TTN: variants seen among roughly 807,000 people sequenced by gnomAD.
TTN encodes the protein titin.
In TTN, 1,525 loss-of-function variants were observed where a neutral mutation model predicts 3,223.0. That is an observed-to-expected ratio of 0.47 (90% confidence interval 0.45 to 0.49). The LOEUF is 0.49. Among genes scored for constraint, TTN ranks in the 20% least tolerant of loss-of-function variants. The pLI, the probability that TTN is intolerant of heterozygous loss-of-function variation, is 0.00. For missense variants in TTN, 40,786 were observed against 43,424.0 expected, an observed-to-expected ratio of 0.94 and a Z score of 5.40; for synonymous variants, 14,094 against 15,161.0, an observed-to-expected ratio of 0.93 and a Z score of 5.17.
chr2:178,740,598 T>G lies in TTN; in HGVS notation c.12635A>C (p.Asn4212Thr). 6.2e-7 allele frequency: 1 copy of G among 1,613,888 alleles called. No homozygotes were observed. Among genetic ancestry groups the G allele is most frequent in the South Asian group, 1.1e-5 (1 of 91,078 alleles). Reference sequence around the variant, plus strand: ...AGGTTCTATTGAAGACTGTGGATAATTCCCTTCAGGTTCAGCTAATAAAGT... The same window carrying G: ...AGGTTCTATTGAAGACTGTGGATAAGTCCCTTCAGGTTCAGCTAATAAAGT... The part of the protein sequence containing the change: ...LKTLLAEPEG[N>T]YPQSSIEPPM... The change falls in exon 48 of 363, where the codon AAT becomes ACT. Residue 4212 changes from asparagine to threonine, a missense_variant. Transcript: ENST00000589042.
At chr2:178,757,230 A>AG (rs1227467101) in intron 45 of TTN, among the ~76,000 whole-genome samples, 86 of 16,166 alleles carry the variant, frequency 5.3e-3, no homozygotes, top group Admixed American at 8.9e-3. Context: ...GTAAGTAATA[A>AG]TCAGCAAATA....
At chr2:178,663,227 G>C (rs769293491) in intron 173 of TTN, 39 bp downstream of exon 173, 4 of 1,504,300 alleles carry the variant, frequency 2.7e-6, no homozygotes, top group South Asian at 1.3e-5. Context: ...TAAAATAACA[G>C]TTATTTTTCT....
In TTN at chr2:178,549,177, C is replaced by G. The variant is rs529196025; in HGVS notation, c.92449G>C (p.Glu30817Gln). 19 of 1,613,760 alleles carry G rather than the reference C, an allele frequency of 1.2e-5. No individual in the cohort carries two copies. The highest frequency in any genetic ancestry group is 1.2e-4 in the Admixed American group (7 of 59,986). The change falls in exon 339 of 363, where the codon GAG becomes CAG. Residue 30817 changes from glutamate to glutamine, a missense_variant. Transcript: ENST00000589042. ...GGAGGACCTGGTGGGTTGACGGGCTCTCTACATTTAATGAGTCTTGAGATG... is the reference window on the plus strand; with the variant it reads ...GGAGGACCTGGTGGGTTGACGGGCTGTCTACATTTAATGAGTCTTGAGATG... ...SGISRLIKCR[E>Q]PVNPPGPPTV...
Position 178,647,380 on chromosome 2 carries a change from C to T in TTN, c.40141+1G>A. On this transcript the variant is annotated splice_donor_variant, in intron 214 of 362. Transcript: ENST00000589042. LOFTEE classifies it high-confidence loss of function. ...CCAAGATTTATGGAGAAGCCGTGTA[C>T]CTTCAGCAGGTGGAACTTCTGGCTC... 1 of 1,549,572 alleles carries T rather than the reference C, an allele frequency of 6.5e-7. No homozygotes were observed. The highest frequency in any genetic ancestry group is 8.7e-7 in the Non-Finnish European group (1 of 1,146,386).
rs756921395 is a variant in TTN at position 178,634,091 on chromosome 2, G to A, written c.42416-8C>T. On this transcript the variant is annotated splice_region_variant and splice_polypyrimidine_tract_variant and intron_variant, in intron 230 of 362. Coordinates refer to ENST00000589042, the MANE Select transcript of TTN (RefSeq NM_001267550.2). The surrounding 1 kb of genome is among the most constrained non-coding windows in gnomAD (Gnocchi z 4.6). ...TGAATTTCAGTCTTATACCTGAAAT[G>A]CAAGCATAGATAATGCCTCAGAAAC... The A allele has an allele frequency of 1.5e-5, 24 of 1,611,764 alleles. No homozygotes were observed. Among genetic ancestry groups the A allele is most frequent in the Non-Finnish European group, 2.0e-5 (23 of 1,179,280 alleles).
At chr2:178,600,626 A>C (rs1035596106) in intron 288 of TTN, 2 of 554,126 alleles carry the variant, frequency 3.6e-6, no homozygotes, top group Admixed American at 6.1e-5. Context: ...ACAGCGAGGA[A>C]ATTACAGACA....
Position 178,723,830 on chromosome 2 carries a change from C to A in TTN, c.21403+26G>T. On this transcript the variant is annotated intron_variant, in intron 73 of 362. Transcript: ENST00000589042. ...CCTGAAGAGGAATTTGTAAGAAATT[C>A]CTTACAAGTTTGACTGTCTACTGAC... is the stretch of plus-strand genomic sequence containing the variant. 1.9e-6 allele frequency: 3 copies of A among 1,571,104 alleles called. No individual in the cohort carries two copies. In the South Asian group the frequency reaches 3.6e-5, roughly 19 times the overall value.
At chr2:178,638,607 T>C (rs866517900) in intron 223 of TTN, among the ~76,000 whole-genome samples, 1 of 151,646 alleles carries the variant, frequency 6.6e-6, no homozygotes. Flanking sequence ...GCTTTATCAG[T>C]GGAGATGATC....
Position 178,621,106 on chromosome 2 carries a change from G to A in TTN, c.45612C>T (p.Val15204=). ...TAAAAGCAAGAACAAACTTACCAAT[G>A]ACTGTCAAGTGAGCTGCTGCTCTGG... ...GAARAAAHLT[V]IEKLRIVVPL... is the part of the protein sequence containing the mutation. Residue 15204 remains valine (V), a synonymous_variant, in exon 246 of 363, where the codon GTC becomes GTT. Transcript: ENST00000589042. 6.2e-7 allele frequency: 1 copy of A among 1,611,752 alleles called. No individual in the cohort carries two copies. The highest frequency in any genetic ancestry group is 8.5e-7 in the Non-Finnish European group (1 of 1,179,094).
chr2:178,732,837 G>A lies in TTN; in HGVS notation c.16339C>T (p.Gln5447Ter). ...SKDSSGALIV[Q>*]EPPSFVTKPG... is the part of the protein sequence containing the mutation. ...AAATGCAAAGTCTCCAGCCAACCTTGCACAATCAGGGCTCCACTGCTGTCT... is the reference window on the plus strand; with the variant it reads ...AAATGCAAAGTCTCCAGCCAACCTTACACAATCAGGGCTCCACTGCTGTCT... Residue 5447 changes from glutamine to a stop codon, truncating the protein, a stop_gained, in exon 55 of 363, where the codon CAA (glutamine) becomes TAA (stop). Transcript: ENST00000589042. LOFTEE classifies it high-confidence loss of function. 1 of 1,607,776 alleles carries A rather than the reference G, an allele frequency of 6.2e-7. No individual in the cohort carries two copies. The highest frequency in any genetic ancestry group is 8.5e-7 in the Non-Finnish European group (1 of 1,175,958).
rs1708319578 is a variant in TTN at position 178,571,901 on chromosome 2, G to A, written c.74231C>T (p.Thr24744Ile). Residue 24744 changes from threonine (T) to isoleucine (I), a missense_variant, in exon 326 of 363, where the codon ACC becomes ATC. Thr to Ile is a moderately conservative substitution (Grantham distance 89, BLOSUM62 -1). Transcript: ENST00000589042. ...ATCTTTATGCCAGGTTACAGCTGGG[G>A]TAGGGCGGCCAATGAATGGAACATC... ...KVDVPFIGRP[T>I]PAVTWHKDNV... is the part of the protein sequence containing the mutation. 7.4e-6 allele frequency: 12 copies of A among 1,613,356 alleles called. No individual in the cohort carries two copies. The highest frequency in any genetic ancestry group is 5.5e-5 in the South Asian group (5 of 91,058).
chr2:178,770,799 G>A, intron 34 of TTN, 124 bp from the exon 35 acceptor site: 1 of 1,226,326 alleles, frequency 8.2e-7, no homozygotes, highest in Non-Finnish European at 1.2e-6. Context: ...TTACAGTTAT[G>A]CAGCACCTCT....
Position 178,539,756 on chromosome 2 carries a change from G to C in TTN, c.98309C>G (p.Ser32770Cys), listed in dbSNP as rs760728887. 6.2e-7 allele frequency: 1 copy of C among 1,613,846 alleles called. No homozygotes were observed. The highest frequency in any genetic ancestry group is 8.5e-7 in the Non-Finnish European group (1 of 1,179,782). The change falls in exon 352 of 363, where the codon TCT (serine) becomes TGT (cysteine). Residue 32770 changes from serine (S) to cysteine (C), a missense_variant. By Grantham distance (112) the Ser-to-Cys change is moderately radical. Transcript: ENST00000589042. The part of the protein sequence containing the change: ...LVIKEADRGD[S>C]GTYDLVLENK... ...TTCCAGAACCAGGTCATAAGTGCCAGAATCACCCCTGTCTGCTTCTTTGAT... is the reference window on the plus strand; with the variant it reads ...TTCCAGAACCAGGTCATAAGTGCCACAATCACCCCTGTCTGCTTCTTTGAT...
chr2:178,745,719 C>A, intron 47 of TTN: 1 of 1,612,334 alleles, frequency 6.2e-7, no homozygotes, highest in Non-Finnish European at 8.5e-7. Flanking sequence ...CTTTCCTCAA[C>A]AGTGAACCTT....
Position 178,540,340 on chromosome 2 carries a change from ACT to A in TTN, c.97824_97825del (p.Arg32608SerfsTer3). ...GACTGATGTCCTTGTTGTATCAGTA[ACT>A]CTTGGGTTTTGTGGCTTTCCTGGAG... is the stretch of plus-strand genomic sequence containing the variant. On this transcript the variant is annotated frameshift_variant, in exon 351 of 363. Coordinates refer to ENST00000589042, the MANE Select transcript of TTN (RefSeq NM_001267550.2). LOFTEE classifies it high-confidence loss of function. 1 of 1,613,036 alleles carries A rather than the reference ACT, an allele frequency of 6.2e-7. No homozygotes were observed. Among genetic ancestry groups the A allele is most frequent in the Non-Finnish European group, 8.5e-7 (1 of 1,179,308 alleles).
intron 308 of TTN, 61 bp downstream of exon 308, chr2:178,586,444 T>G: frequency 6.3e-7 from 1 of 1,579,594 alleles, no homozygotes. Flanking sequence ...AATGTCTACA[T>G]ATAAAAGAAG....
At chr2:178,762,875 C>T (rs114781922) in intron 43 of TTN, among the ~76,000 whole-genome samples, 2,615 of 152,214 alleles carry the variant, frequency 0.017, 86 homozygotes, top group African/African-American at 0.06. Flanking sequence ...CCTATAGGTG[C>T]TTTACATACA....
At position 178,588,824 on chromosome 2, in the gene TTN, A is replaced by G. The variant is rs1245531460; in HGVS notation, c.62901T>C (p.Pro20967=). Reference sequence around the variant, plus strand: ...TTACTTTAGTGACTTCTGGGGGATCAGGGCGACCAGGTTTATCATACTTGG... The same window carrying G: ...TTACTTTAGTGACTTCTGGGGGATCGGGGCGACCAGGTTTATCATACTTGG... ...AKTKYDKPGR[P]DPPEVTKVSK... The change falls in exon 304 of 363, where the codon CCT becomes CCC. Residue 20967 remains proline (P), a synonymous_variant. Transcript: ENST00000589042. 7 of 1,613,262 alleles carry G rather than the reference A, an allele frequency of 4.3e-6. No individual in the cohort carries two copies. The African/African-American group carries it at 9.3e-5, about 22-fold the overall frequency.
At chr2:178,583,264 A>G in intron 312 of TTN, 37 bp from the exon 313 acceptor site, 2 of 1,485,548 alleles carry the variant, frequency 1.3e-6, no homozygotes, top group Non-Finnish European at 1.8e-6. Flanking sequence ...AATGTATGCA[A>G]AGCTATATTA....
Sources: allele counts gnomAD v4.1 joint callset (sites outside exome capture counted in the v4.1 genomes callset), GRCh38; gene constraint gnomAD v4.1.1; non-coding constraint Gnocchi (gnomAD v3.1); transcripts MANE v1.5; gene names NCBI Gene and HGNC (gene_info 2026-07-23, HGNC 2026-07-21).